Variants in PRR14 observed in about 807,000 individuals in gnomAD.
The protein encoded by PRR14 is proline-rich protein 14.
PRR14 carries 33 observed loss-of-function variants against 57.2 expected under a neutral mutation model. The ratio of observed to expected loss-of-function variants is 0.58; its 90% CI spans 0.44 to 0.77. The LOEUF (loss-of-function observed/expected upper bound fraction) is 0.77, where lower values mean the gene tolerates loss of function less well. Among genes scored for constraint, PRR14 ranks in the 30% least tolerant of loss-of-function variants. The pLI is 0.00. For synonymous variants in PRR14, 303 were observed against 314.7 expected (o/e 0.96, Z 0.39); for missense variants, 716 against 788.1 (o/e 0.91, Z 1.10).
chr16:30,656,345 A>G lies in PRR14; in HGVS notation c.*34A>G. ...TCTGTTGGTCATCCATCCTGAAGGGACAGGAAACCTCCCAGGCAGTTATTT... is the reference window on the plus strand; with the variant it reads ...TCTGTTGGTCATCCATCCTGAAGGGGCAGGAAACCTCCCAGGCAGTTATTT... On this transcript the variant is annotated 3_prime_UTR_variant, in exon 12 of 12. Transcript: ENST00000300835. 2 of 1,565,170 alleles carry G rather than the reference A, an allele frequency of 1.3e-6. No individual in the cohort carries two copies. Among genetic ancestry groups the G allele is most frequent in the Non-Finnish European group, 1.7e-6 (2 of 1,162,358 alleles).
chr16:30,651,796 C>T lies in PRR14; in HGVS notation c.24C>T (p.Ser8=), dbSNP rs1009147866. The change falls in exon 3 of 12, where the codon AGC becomes AGT. Residue 8 remains serine, a splice_region_variant and synonymous_variant. Transcript: ENST00000300835. This position sits in a 1 kb window ranked among gnomAD's most constrained non-coding sequence, Gnocchi z 5.0. ...GTCCTCTGCTTCTTTCACCCTCCAG[C>T]CCGCCTGGCCAGCCGCGTCTGTGCC... is the stretch of plus-strand genomic sequence containing the variant. MDLPGDS[S]PPGQPRLCRQ... 14 of 1,606,346 alleles carry T rather than the reference C, an allele frequency of 8.7e-6. No individual in the cohort carries two copies. The highest frequency in any genetic ancestry group is 1.2e-5 in the Non-Finnish European group (14 of 1,179,862).
chr16:30,652,845 G>A lies in PRR14; in HGVS notation c.314+3G>A, dbSNP rs2052327339. ...GCCGGGTGGTCCTCGCAGGCCAGGT[G>A]AGCATGGCAGGATGGGGGTAAGCCG... On this transcript the variant is annotated splice_donor_region_variant and intron_variant, in intron 4 of 11. Coordinates refer to ENST00000300835, the MANE Select transcript of PRR14 (RefSeq NM_024031.5). The A allele has an allele frequency of 6.2e-7, 1 of 1,614,086 alleles. No homozygotes were observed. The highest frequency in any genetic ancestry group is 1.1e-5 in the South Asian group (1 of 91,070).
Position 30,655,763 on chromosome 16 carries a change from T to G in PRR14, c.1407-105T>G. ...GCCTGTCTGCCTTATGTAGCACTCC[T>G]GGCCCTGACATGTCCCAGAAACTGA... is the stretch of plus-strand genomic sequence containing the variant. On this transcript the variant is annotated intron_variant, in intron 10 of 11. Transcript: ENST00000300835. This position sits in a 1 kb window ranked among gnomAD's most constrained non-coding sequence, Gnocchi z 4.6. The G allele has an allele frequency of 7.3e-7, 1 of 1,377,562 alleles. No individual in the cohort carries two copies. Among genetic ancestry groups the G allele is most frequent in the Non-Finnish European group, 1.0e-6 (1 of 965,432 alleles). The allele number at this position is 1,377,562 out of a possible 1,614,324, so 85.3% of individuals were successfully genotyped here.
Position 30,655,435 on chromosome 16 carries a change from C to A in PRR14, c.1314+15C>A, listed in dbSNP as rs780409182. 6 of 1,613,914 alleles carry A rather than the reference C, an allele frequency of 3.7e-6. No individual in the cohort carries two copies. The highest frequency in any genetic ancestry group is 4.2e-6 in the Non-Finnish European group (5 of 1,179,918). On this transcript the variant is annotated intron_variant, in intron 9 of 11. Coordinates refer to ENST00000300835, the MANE Select transcript of PRR14 (RefSeq NM_024031.5). The surrounding 1 kb of genome is among the most constrained non-coding windows in gnomAD (Gnocchi z 4.6). Reference sequence around the variant, plus strand: ...CTGAGACCAAGGTAGGCATTCAGATCGGGTAGAAGAGACTAGTGGGGGCCT... The same window carrying A: ...CTGAGACCAAGGTAGGCATTCAGATAGGGTAGAAGAGACTAGTGGGGGCCT...
chr16:30,652,542 A>AG, intron 3 of PRR14, 179 bp from the exon 4 acceptor site: 1 of 718,824 alleles, frequency 1.4e-6, no homozygotes, highest in Non-Finnish European at 2.4e-6. Flanking sequence ...CCTGCAGTTT[A>AG]GGACTCTTAA....
chr16:30,653,166 A>G, intron 5 of PRR14, 63 bp downstream of exon 5: 1 of 1,497,904 alleles, frequency 6.7e-7, no homozygotes, highest in Non-Finnish European at 9.1e-7. Context: ...ATAGAAGGGT[A>G]GGAGGCCTGA....
In PRR14 at chr16:30,651,692, G is replaced by T. The variant is rs1306001430; in HGVS notation, c.23+24G>T. 5 of 1,611,356 alleles carry T rather than the reference G, an allele frequency of 3.1e-6. No homozygotes were observed. Among genetic ancestry groups the T allele is most frequent in the African/African-American group, 1.3e-5 (1 of 74,828 alleles). ...AGGTGAGAGCGTACCCGGGCGGCCCGCCTGTCTTGACCCCGGGAGATGGGG... is the reference window on the plus strand; with the variant it reads ...AGGTGAGAGCGTACCCGGGCGGCCCTCCTGTCTTGACCCCGGGAGATGGGG... On this transcript the variant is annotated intron_variant, in intron 2 of 11. Transcript: ENST00000300835. This position sits in a 1 kb window ranked among gnomAD's most constrained non-coding sequence, Gnocchi z 5.0.
Position 30,655,692 on chromosome 16 carries a change from G to A in PRR14, c.1406+99G>A. 7.5e-7 allele frequency: 1 copy of A among 1,340,104 alleles called. No individual in the cohort carries two copies. Among genetic ancestry groups the A allele is most frequent in the Non-Finnish European group, 1.1e-6 (1 of 939,320 alleles). The allele number at this position is 1,340,104 out of a possible 1,614,324, so 83.0% of individuals were successfully genotyped here. On this transcript the variant is annotated intron_variant, in intron 10 of 11. Coordinates refer to ENST00000300835, the MANE Select transcript of PRR14 (RefSeq NM_024031.5). The surrounding 1 kb of genome is among the most constrained non-coding windows in gnomAD (Gnocchi z 4.6). ...GTCTCCCCTCAGGGAGCACAGTCCA[G>A]CCTGAAAGATTCAATTCGGTGTGGG...
In PRR14 at chr16:30,651,798, C is replaced by T. The variant is rs1453777735; in HGVS notation, c.26C>T (p.Pro9Leu). Reference sequence around the variant, plus strand: ...CCTCTGCTTCTTTCACCCTCCAGCCCGCCTGGCCAGCCGCGTCTGTGCCGC... The same window carrying T: ...CCTCTGCTTCTTTCACCCTCCAGCCTGCCTGGCCAGCCGCGTCTGTGCCGC... The part of the protein sequence containing the change: MDLPGDSS[P>L]PGQPRLCRQP... Residue 9 changes from proline to leucine, a missense_variant and splice_region_variant, in exon 3 of 12, where the codon CCG becomes CTG. By Grantham distance (98) the Pro-to-Leu change is moderately conservative (BLOSUM62 -3). Transcript: ENST00000300835. The surrounding 1 kb of genome is among the most constrained non-coding windows in gnomAD (Gnocchi z 5.0). The T allele has an allele frequency of 5.0e-6, 8 of 1,606,278 alleles. No homozygotes were observed. Among genetic ancestry groups the T allele is most frequent in the Non-Finnish European group, 5.9e-6 (7 of 1,179,836 alleles).
chr16:30,651,627 C>A lies in PRR14; in HGVS notation c.-19C>A, dbSNP rs372275869. The A allele has an allele frequency of 6.3e-7, 1 of 1,592,436 alleles. No homozygotes were observed. The highest frequency in any genetic ancestry group is 1.1e-5 in the South Asian group (1 of 90,106). ...GCCTGGGATTCCCCAGGGACCCCCC[C>A]GGAGCCGCCGCGTCTCCCATGGACT... On this transcript the variant is annotated 5_prime_UTR_variant, in exon 2 of 12. Transcript: ENST00000300835. This position sits in a 1 kb window ranked among gnomAD's most constrained non-coding sequence, Gnocchi z 5.0.
rs1349607368 is a variant in PRR14, at chr16:30,654,983, G to A, written c.1013G>A (p.Gly338Glu). The A allele has an allele frequency of 1.2e-6, 2 of 1,610,728 alleles. No homozygotes were observed. The highest frequency in any genetic ancestry group is 1.3e-5 in the African/African-American group (1 of 75,024). ...CGAAGCTACTCCTGCCCTGATCTGG[G>A]GCCCCCTGGCCCAGGTACCTGCACC... ...LGRSYSCPDL[G>E]PPGPGTCTWP... The change falls in exon 8 of 12, where the codon GGG becomes GAG. Residue 338 changes from glycine to glutamate, a missense_variant. By Grantham distance (98) the Gly-to-Glu change is moderately conservative. Transcript: ENST00000300835.
intron 7 of PRR14, 26 bp from the exon 8 acceptor site, chr16:30,654,603 C>T (rs759438568): frequency 2.6e-6 from 4 of 1,543,690 alleles, no homozygotes; most frequent in Non-Finnish European, 3.5e-6. Context: ...AAGGAATATC[C>T]ACCTGTGACC....
In PRR14 at chr16:30,652,812, CCCGGCAGGCCGGGTG is replaced by C; in HGVS notation, c.285_299del (p.Arg96_Trp100del). On this transcript the variant is annotated inframe_deletion, in exon 4 of 12. Coordinates refer to ENST00000300835, the MANE Select transcript of PRR14 (RefSeq NM_024031.5). ...CACAGGCAGCCGCCTGCCTCGCCAC[CCCGGCAGGCCGGGTG>C]GTCCTCGCAGGCCAGGTGAGCATGG... 5 of 1,614,218 alleles carry C rather than the reference CCCGGCAGGCCGGGTG, an allele frequency of 3.1e-6. No homozygotes were observed. The highest frequency in any genetic ancestry group is 4.2e-6 in the Non-Finnish European group (5 of 1,180,046).
intron 6 of PRR14, among the ~76,000 whole-genome samples, chr16:30,653,647 T>G (rs2052335927): frequency 1.3e-5 from 2 of 152,194 alleles, no homozygotes; most frequent in South Asian, 4.1e-4. Context: ...TGACCATATC[T>G]CTACAAAACG....
At chr16:30,653,543 A>C in intron 6 of PRR14, 135 bp downstream of exon 6, 1 of 915,694 alleles carries the variant, frequency 1.1e-6, no homozygotes, top group Non-Finnish European at 1.7e-6. Flanking sequence ...GGGGCCGGGC[A>C]CGCCCATGCC....
intron 7 of PRR14, 81 bp from the exon 8 acceptor site, chr16:30,654,548 G>T: frequency 8.3e-7 from 1 of 1,206,158 alleles, no homozygotes; most frequent in Non-Finnish European, 1.2e-6. Flanking sequence ...TAATTCCCCT[G>T]TGCACAAAGT....
chr16:30,655,296 A>G lies in PRR14; in HGVS notation c.1245-55A>G. On this transcript the variant is annotated intron_variant, in intron 8 of 11. Coordinates refer to ENST00000300835, the MANE Select transcript of PRR14 (RefSeq NM_024031.5). This position sits in a 1 kb window ranked among gnomAD's most constrained non-coding sequence, Gnocchi z 4.6. The stretch of plus-strand genomic sequence containing the variant: ...TCCCTGAGTATCCAGTGGGCAGGAG[A>G]CGGGGGATAATGCAGTGAATCCTGT... The G allele has an allele frequency of 1.2e-6, 2 of 1,607,232 alleles. No homozygotes were observed. Among genetic ancestry groups the G allele is most frequent in the Non-Finnish European group, 8.5e-7 (1 of 1,174,212 alleles).
chr16:30,655,622 C>T lies in PRR14; in HGVS notation c.1406+29C>T. The T allele has an allele frequency of 6.3e-7, 1 of 1,593,510 alleles. No individual in the cohort carries two copies. On this transcript the variant is annotated intron_variant, in intron 10 of 11. Coordinates refer to ENST00000300835, the MANE Select transcript of PRR14 (RefSeq NM_024031.5). The surrounding 1 kb of genome is among the most constrained non-coding windows in gnomAD (Gnocchi z 4.6). ...AGGGGCTCACTGGGCATTGAGCCAT[C>T]TTGGCCAAACAGATGCAGGCTTATG...
Position 30,652,800 on chromosome 16 carries a change from C to G in PRR14, c.272C>G (p.Pro91Arg), listed in dbSNP as rs1386146949. 6.2e-7 allele frequency: 1 copy of G among 1,614,248 alleles called. No homozygotes were observed. The highest frequency in any genetic ancestry group is 8.5e-7 in the Non-Finnish European group (1 of 1,180,050). The change falls in exon 4 of 12, where the codon CCT becomes CGT. Residue 91 changes from proline to arginine, a missense_variant. By Grantham distance (103) the Pro-to-Arg change is moderately radical. Transcript: ENST00000300835. ...YHQDPVHRQP[P>R]ASPPRQAGWS... ...CAGGATCCTGTCCACAGGCAGCCGC[C>G]TGCCTCGCCACCCCGGCAGGCCGGG...
Sources: gnomAD v4.1 joint callset for allele counts (sites outside exome capture counted in the v4.1 genomes callset) on GRCh38, gnomAD v4.1.1 for gene constraint, Gnocchi (gnomAD v3.1) non-coding constraint, MANE v1.5 for transcripts, NCBI Gene and HGNC (gene_info 2026-07-23, HGNC 2026-07-21) for gene names.